XXYLT1: variants seen among roughly 807,000 people sequenced by gnomAD.
The protein encoded by XXYLT1 is UDP-xylose:alpha-xyloside alpha-1,3-xylosyltransferase.
A neutral mutation model predicts 28.9 loss-of-function variants in XXYLT1; 20 were observed. That is an observed-to-expected ratio of 0.69 (90% CI 0.49 to 1.00). XXYLT1 has a LOEUF of 1.00. Ranked by LOEUF, XXYLT1 falls within the 50% of genes least tolerant of loss-of-function variation. The pLI, the probability that XXYLT1 is intolerant of heterozygous loss-of-function variation, is 0.00. For synonymous variants in XXYLT1, 257 were observed against 253.8 expected (o/e 1.01, Z -0.12); for missense variants, 542 against 560.1 (o/e 0.97, Z 0.33).
At position 195,255,976 on chromosome 3, in the gene XXYLT1, G is replaced by A. The variant is rs114160641; in HGVS notation, c.504+14579C>T. ...GGAGGAGGGAGGGAAGGTCCACCCC[G>A]GGCAGCCCTGGGATTCCCCTGTTCT... On this transcript the variant is annotated intron_variant, in intron 1 of 3. Transcript: ENST00000310380. The surrounding 1 kb of genome is among the most constrained non-coding windows in gnomAD (Gnocchi z 4.5). 0.02 allele frequency among the ~76,000 whole-genome samples: 3,011 copies of A among 152,216 alleles called. 109 individuals are homozygous for A. Among genetic ancestry groups the A allele is most frequent in the African/African-American group, 0.067 (2,800 of 41,520 alleles).
intron 2 of XXYLT1, among the ~76,000 whole-genome samples, chr3:195,185,172 AG>A (rs1370835576): frequency 6.6e-6 from 1 of 151,982 alleles, no homozygotes; most frequent in East Asian, 1.9e-4. Flanking sequence ...AGAAAAGGAA[AG>A]GAAAGGGGAA....
At chr3:195,099,511 G>C (rs979795517) in intron 3 of XXYLT1, among the ~76,000 whole-genome samples, 1 of 152,196 alleles carries the variant, frequency 6.6e-6, no homozygotes, top group African/African-American at 2.4e-5. Context: ...AGTTAGCAAA[G>C]ACAGAACCAT....
rs1273452184 is a variant in XXYLT1 at position 195,133,670 on chromosome 3, GCATTGTATACAGTCACGCAC to G, written c.785+22759_785+22778del. ...ACTCTCGGCAACTTGTTGCCATGCA[GCATTGTATACAGTCACGCAC>G]CACGTGACGACGTTGCAGTCAACGA... On this transcript the variant is annotated intron_variant, in intron 3 of 3. Transcript: ENST00000310380. This position sits in a 1 kb window ranked among gnomAD's most constrained non-coding sequence, Gnocchi z 4.4. 6.6e-6 allele frequency among the ~76,000 whole-genome samples: 1 copy of G among 152,196 alleles called. No homozygotes were observed. Among genetic ancestry groups the G allele is most frequent in the African/African-American group, 2.4e-5 (1 of 41,462 alleles).
chr3:195,172,790 A>C (rs1721475052), intron 2 of XXYLT1, among the ~76,000 whole-genome samples: 1 of 152,200 alleles, frequency 6.6e-6, no homozygotes, highest in Non-Finnish European at 1.5e-5. Context: ...CTGAAACTTG[A>C]ACTGTGGGGA....
At chr3:195,208,550 G>A (rs538323020) in intron 2 of XXYLT1, among the ~76,000 whole-genome samples, 43 of 152,252 alleles carry the variant, frequency 2.8e-4, no homozygotes, top group African/African-American at 8.7e-4. Context: ...GACAACGCTC[G>A]TGACGGGAAA....
intron 3 of XXYLT1, chr3:195,095,528 C>G (rs564791268): frequency 6.5e-6 from 1 of 154,084 alleles, no homozygotes; most frequent in Non-Finnish European, 1.5e-5. Flanking sequence ...GCCTCCACAT[C>G]CAGTTTGAGT....
At chr3:195,200,962 G>T (rs1167317115) in intron 2 of XXYLT1, among the ~76,000 whole-genome samples, 1 of 152,108 alleles carries the variant, frequency 6.6e-6, no homozygotes, top group Non-Finnish European at 1.5e-5. Context: ...AAGTTACCCA[G>T]GGTGATTTTC....
At chr3:195,166,362 G>A (rs1216959887) in intron 2 of XXYLT1, among the ~76,000 whole-genome samples, 1 of 152,110 alleles carries the variant, frequency 6.6e-6, no homozygotes, top group Middle Eastern at 3.2e-3. Context: ...CAAACTGACA[G>A]AACTGCAGCT....
intron 2 of XXYLT1, among the ~76,000 whole-genome samples, chr3:195,218,005 C>T (rs1439755066): frequency 4.0e-5 from 6 of 149,866 alleles, no homozygotes; most frequent in South Asian, 2.1e-4. Flanking sequence ...TCAGAAATAA[C>T]GCCGCATGTC....
At chr3:195,071,812 G>A (rs1197707135) in intron 3 of XXYLT1, among the ~76,000 whole-genome samples, 2 of 152,144 alleles carry the variant, frequency 1.3e-5, no homozygotes, top group Non-Finnish European at 2.9e-5. Flanking sequence ...TCAGAGAGGA[G>A]GGACCCTCTG....
At chr3:195,219,344 A>G (rs1318345877) in intron 2 of XXYLT1, among the ~76,000 whole-genome samples, 3 of 152,270 alleles carry the variant, frequency 2.0e-5, no homozygotes, top group Non-Finnish European at 4.4e-5. Context: ...TACAAAAAGT[A>G]CAGAACAAAT....
chr3:195,099,342 A>G (rs1207509865), intron 3 of XXYLT1, among the ~76,000 whole-genome samples: 1 of 152,204 alleles, frequency 6.6e-6, no homozygotes, highest in Non-Finnish European at 1.5e-5. Flanking sequence ...CCCAGGCATC[A>G]TGACCACAGA....
chr3:195,144,160 C>T (rs1577074298), intron 3 of XXYLT1, among the ~76,000 whole-genome samples: 1 of 150,388 alleles, frequency 6.6e-6, no homozygotes. Context: ...TCCCAAAGTG[C>T]TAGGATTACA....
At chr3:195,182,522 T>G (rs1015666892) in intron 2 of XXYLT1, among the ~76,000 whole-genome samples, 21 of 152,170 alleles carry the variant, frequency 1.4e-4, no homozygotes, top group African/African-American at 5.1e-4. Context: ...AGAGCCAGAC[T>G]CACTAGACGA....
chr3:195,101,919 G>A (rs1716799175), intron 3 of XXYLT1, among the ~76,000 whole-genome samples: 1 of 126,730 alleles, frequency 7.9e-6, no homozygotes. Context: ...AAGGAGGAAA[G>A]GAGAAATGTA....
At chr3:195,158,248 G>A (rs554864577) in intron 2 of XXYLT1, among the ~76,000 whole-genome samples, 1 of 152,252 alleles carries the variant, frequency 6.6e-6, no homozygotes, top group South Asian at 2.1e-4. Context: ...AGGAGTCATG[G>A]CTTCCTGCTC....
At position 195,133,104 on chromosome 3, in the gene XXYLT1, G is replaced by A. The variant is rs1277823396; in HGVS notation, c.785+23345C>T. On this transcript the variant is annotated intron_variant, in intron 3 of 3. Transcript: ENST00000310380. The surrounding 1 kb of genome is among the most constrained non-coding windows in gnomAD (Gnocchi z 4.4). ...AGGTGGTGGGCAAGTGTAAGCACCA[G>A]CATGGTCTCAGGGACCTGACAGAAG... Among the ~76,000 whole-genome samples the A allele has an allele frequency of 2.0e-5, 3 of 152,192 alleles. No homozygotes were observed. The highest frequency in any genetic ancestry group is 7.2e-5 in the African/African-American group (3 of 41,454).
At chr3:195,109,345 G>A (rs1717327060) in intron 3 of XXYLT1, among the ~76,000 whole-genome samples, 1 of 147,562 alleles carries the variant, frequency 6.8e-6, no homozygotes, top group Non-Finnish European at 1.5e-5. Flanking sequence ...GCGTGTGTGT[G>A]CGTGTATGGT....
intron 2 of XXYLT1, among the ~76,000 whole-genome samples, chr3:195,161,472 C>T (rs1325283166): frequency 2.0e-5 from 3 of 152,080 alleles, no homozygotes; most frequent in Non-Finnish European, 4.4e-5. Context: ...GAACCCCCAA[C>T]CATGACCACC....
Sources: allele counts gnomAD v4.1 joint callset (sites outside exome capture counted in the v4.1 genomes callset), GRCh38; gene constraint gnomAD v4.1.1; non-coding constraint Gnocchi (gnomAD v3.1); transcripts MANE v1.5; gene names NCBI Gene and HGNC (gene_info 2026-07-23, HGNC 2026-07-21).